Variants in ADARB2 observed in about 807,000 individuals in gnomAD.
ADARB2 encodes inactive double-stranded RNA-specific editase B2.
A neutral mutation model predicts 62.2 loss-of-function variants in ADARB2; 25 were observed. That is an observed-to-expected ratio of 0.40 (90% CI 0.29 to 0.56). ADARB2 has a LOEUF of 0.56. Among genes scored for constraint, ADARB2 ranks in the 20% least tolerant of loss-of-function variants. The pLI, the probability that ADARB2 is intolerant of heterozygous loss-of-function variation, is 0.43. For synonymous variants in ADARB2, 572 were observed against 500.8 expected (o/e 1.14, Z -1.90); for missense variants, 1,071 against 1,077.4 (o/e 0.99, Z 0.08).
chr10:1,457,256 G>A (rs1564294518), intron 1 of ADARB2, among the ~76,000 whole-genome samples: 1 of 152,198 alleles, frequency 6.6e-6, no homozygotes, highest in East Asian at 1.9e-4. Flanking sequence ...GCAGAGGAGT[G>A]GTGAGCATGA....
intron 1 of ADARB2, among the ~76,000 whole-genome samples, chr10:1,491,877 C>T (rs1405461997): frequency 6.6e-6 from 1 of 152,096 alleles, no homozygotes; most frequent in Admixed American, 6.6e-5. Flanking sequence ...GATAAATTTC[C>T]CTTGCTTGTC....
intron 1 of ADARB2, among the ~76,000 whole-genome samples, chr10:1,501,090 G>A (rs1831763195): frequency 6.6e-6 from 1 of 152,252 alleles, no homozygotes; most frequent in African/African-American, 2.4e-5. Context: ...GGTCAGGCTG[G>A]TCTTGAACTT....
At chr10:1,286,300 G>A (rs1831413792) in intron 3 of ADARB2, among the ~76,000 whole-genome samples, 1 of 152,174 alleles carries the variant, frequency 6.6e-6, no homozygotes, top group Admixed American at 6.5e-5. Context: ...CAGAGAAAAT[G>A]GAAGATGATC....
intron 3 of ADARB2, among the ~76,000 whole-genome samples, chr10:1,314,727 A>G (rs1831722390): frequency 6.6e-6 from 1 of 152,148 alleles, no homozygotes; most frequent in Admixed American, 6.5e-5. Context: ...CCCTGAGAGC[A>G]TCTCTGTTAG....
chr10:1,323,260 A>AG (rs1831811533), intron 3 of ADARB2, among the ~76,000 whole-genome samples: 1 of 151,996 alleles, frequency 6.6e-6, no homozygotes, highest in African/African-American at 2.4e-5. Context: ...TAAAAAAAAA[A>AG]AAAAAAAACA....
At chr10:1,349,449 A>T (rs1220662566) in intron 3 of ADARB2, among the ~76,000 whole-genome samples, 1 of 151,768 alleles carries the variant, frequency 6.6e-6, no homozygotes, top group Non-Finnish European at 1.5e-5. Flanking sequence ...AGATCAGGGG[A>T]CCTCCCTTAG....
intron 1 of ADARB2, among the ~76,000 whole-genome samples, chr10:1,544,145 C>T (rs768690244): frequency 4.6e-5 from 7 of 152,168 alleles, no homozygotes; most frequent in Admixed American, 6.5e-5. Context: ...CTGCTCAGGA[C>T]GGTCATGAAA....
chr10:1,685,404 TC>T (rs1253572227), intron 1 of ADARB2, among the ~76,000 whole-genome samples: 1 of 152,168 alleles, frequency 6.6e-6, no homozygotes, highest in Non-Finnish European at 1.5e-5. Context: ...GCTTCACCTT[TC>T]CCCCTTCTTC....
chr10:1,353,134 G>A (rs117599574), intron 3 of ADARB2, among the ~76,000 whole-genome samples: 105 of 152,268 alleles, frequency 6.9e-4, no homozygotes, highest in Non-Finnish European at 1.0e-3. Flanking sequence ...CATCAAGCAC[G>A]GGGATTGGCC....
rs79996599 is a variant in ADARB2 at position 1,648,410 on chromosome 10, A to G, written c.100+88641T>C. Among the ~76,000 whole-genome samples, 769 of 152,214 alleles carry G rather than the reference A, an allele frequency of 5.1e-3. 6 individuals are homozygous for G. The highest frequency in any genetic ancestry group is 0.018 in the African/African-American group (746 of 41,542). ...CAAGCATCCCCAGGACCCTTCATAA[A>G]CGGAATGAACTCGAGCTGGCTCAAC... On this transcript the variant is annotated intron_variant, in intron 1 of 9. Transcript: ENST00000381312.
intron 1 of ADARB2, among the ~76,000 whole-genome samples, chr10:1,612,470 G>C (rs559278625): frequency 1.8e-4 from 28 of 152,240 alleles, no homozygotes; most frequent in Non-Finnish European, 3.5e-4. Flanking sequence ...CAGAGGCTAA[G>C]ACAGGGCTAG....
At chr10:1,257,499 C>T (rs560826951) in intron 4 of ADARB2, among the ~76,000 whole-genome samples, 112 of 152,304 alleles carry the variant, frequency 7.4e-4, no homozygotes, top group African/African-American at 2.2e-3. Flanking sequence ...CCCTCTCTAA[C>T]CTGGGAGCCT....
intron 1 of ADARB2, among the ~76,000 whole-genome samples, chr10:1,661,428 G>A (rs2387951): frequency 0.29 from 43,729 of 152,064 alleles, 7,473 homozygotes; most frequent in East Asian, 0.41. Flanking sequence ...CAATAGAGGA[G>A]AAAGAGAATT....
At chr10:1,194,535 A>ATCTG (rs1302295654) in intron 8 of ADARB2, among the ~76,000 whole-genome samples, 9 of 151,662 alleles carry the variant, frequency 5.9e-5, no homozygotes, top group African/African-American at 4.8e-5. Context: ...TAATCTATCT[A>ATCTG]TCTGTCTGTC....
At chr10:1,247,571 A>G (rs1432821892) in intron 4 of ADARB2, among the ~76,000 whole-genome samples, 5 of 152,188 alleles carry the variant, frequency 3.3e-5, no homozygotes, top group Admixed American at 1.3e-4. Flanking sequence ...GGCGGGCGTC[A>G]TCATCTCTCC....
At chr10:1,612,595 A>G (rs1833586335) in intron 1 of ADARB2, among the ~76,000 whole-genome samples, 1 of 152,242 alleles carries the variant, frequency 6.6e-6, no homozygotes, top group Non-Finnish European at 1.5e-5. Context: ...AAGTCATTAA[A>G]TAACGTGTCC....
At chr10:1,487,427 T>C (rs76800133) in intron 1 of ADARB2, among the ~76,000 whole-genome samples, 3,827 of 152,316 alleles carry the variant, frequency 0.025, 178 homozygotes, top group African/African-American at 0.086. Context: ...GACTTCTTTA[T>C]AGCTCTTGAG....
At chr10:1,624,240 A>G (rs1459481560) in intron 1 of ADARB2, among the ~76,000 whole-genome samples, 1 of 152,102 alleles carries the variant, frequency 6.6e-6, no homozygotes, top group African/African-American at 2.4e-5. Flanking sequence ...TCTCGGAAAA[A>G]ACAAAACAAA....
chr10:1,491,400 C>A (rs1037208255), intron 1 of ADARB2, among the ~76,000 whole-genome samples: 1 of 152,108 alleles, frequency 6.6e-6, no homozygotes, highest in African/African-American at 2.4e-5. Flanking sequence ...CATTTTGAAA[C>A]CTTTTATTTA....
Sources: gnomAD v4.1 joint callset for allele counts (sites outside exome capture counted in the v4.1 genomes callset) on GRCh38, gnomAD v4.1.1 for gene constraint, MANE v1.5 for transcripts, NCBI Gene and HGNC (gene_info 2026-07-23, HGNC 2026-07-21) for gene names.